Variants in PPP1R12A observed in about 807,000 individuals in gnomAD.
PPP1R12A encodes myosin binding subunit.
Under a neutral mutation model 139.6 loss-of-function variants are expected in PPP1R12A, and 19 were observed. That is an observed-to-expected ratio of 0.14 (90% CI 0.09 to 0.20). PPP1R12A has a LOEUF of 0.20. PPP1R12A is among the 10% of genes least tolerant of loss of function. PPP1R12A has a pLI of 1.00. For missense variants in PPP1R12A, 925 were observed against 1,211.5 expected (o/e 0.76, Z 3.51); for synonymous variants, 427 against 420.6 (o/e 1.02, Z -0.19).
intron 1 of PPP1R12A, among the ~76,000 whole-genome samples, chr12:79,886,850 A>G (rs1884151053): frequency 6.6e-6 from 1 of 152,190 alleles, no homozygotes. Context: ...CTCTTTATCT[A>G]TTCTTGTTAC....
intron 22 of PPP1R12A, among the ~76,000 whole-genome samples, chr12:79,785,566 T>C (rs1459125556): frequency 1.3e-5 from 2 of 152,200 alleles, no homozygotes. Flanking sequence ...TCAGCTGGAT[T>C]CTAAGAGTTG....
intron 2 of PPP1R12A, among the ~76,000 whole-genome samples, chr12:79,852,115 T>C (rs1193878174): frequency 6.6e-6 from 1 of 152,122 alleles, no homozygotes; most frequent in African/African-American, 2.4e-5. Flanking sequence ...ATCCTGGTGT[T>C]CATCTCTATT....
At chr12:79,893,100 G>C (rs1884812587) in intron 1 of PPP1R12A, among the ~76,000 whole-genome samples, 2 of 144,812 alleles carry the variant, frequency 1.4e-5, no homozygotes, top group South Asian at 4.3e-4. Flanking sequence ...GCAAGACTGT[G>C]TCTCAAAAAA....
intron 24 of PPP1R12A, among the ~76,000 whole-genome samples, chr12:79,778,061 A>G (rs1436118200): frequency 6.6e-6 from 1 of 152,154 alleles, no homozygotes; most frequent in Non-Finnish European, 1.5e-5. Context: ...CATTCAAAAC[A>G]TAATTATTTC....
intron 1 of PPP1R12A, among the ~76,000 whole-genome samples, chr12:79,933,890 T>A (rs915825594): frequency 7.9e-5 from 12 of 152,326 alleles, no homozygotes; most frequent in African/African-American, 2.6e-4. Context: ...GTAACCGGCT[T>A]TGAAAAGAGT....
At chr12:79,854,728 C>G (rs1880431290) in intron 2 of PPP1R12A, among the ~76,000 whole-genome samples, 2 of 151,890 alleles carry the variant, frequency 1.3e-5, no homozygotes, top group Non-Finnish European at 2.9e-5. Context: ...CTGAAGTGAA[C>G]AGGTGCAATC....
intron 1 of PPP1R12A, among the ~76,000 whole-genome samples, chr12:79,930,322 C>T (rs1888155582): frequency 6.6e-6 from 1 of 151,976 alleles, no homozygotes; most frequent in South Asian, 2.1e-4. Context: ...CAACCATAAG[C>T]TAAATGATAA....
chr12:79,844,675 C>G (rs1256235979), intron 3 of PPP1R12A, among the ~76,000 whole-genome samples: 1 of 152,142 alleles, frequency 6.6e-6, no homozygotes, highest in Non-Finnish European at 1.5e-5. Context: ...TCATGTCAAT[C>G]CTCTGCCTCA....
intron 16 of PPP1R12A, 43 bp downstream of exon 16, chr12:79,797,152 A>C: frequency 6.8e-7 from 1 of 1,477,746 alleles, no homozygotes; most frequent in Non-Finnish European, 9.2e-7. Context: ...CATAAGGACT[A>C]TTCATACCAT....
chr12:79,927,963 G>C (rs1366018849), intron 1 of PPP1R12A, among the ~76,000 whole-genome samples: 1 of 152,104 alleles, frequency 6.6e-6, no homozygotes, highest in Admixed American at 6.5e-5. Context: ...TGCAGGCAGA[G>C]GCAATGAAAA....
intron 2 of PPP1R12A, among the ~76,000 whole-genome samples, chr12:79,865,834 G>A (rs934717457): frequency 2.6e-5 from 4 of 152,076 alleles, no homozygotes; most frequent in Non-Finnish European, 5.9e-5. Context: ...CAAACAAATG[G>A]AAAAACATTC....
chr12:79,833,754 T>C (rs1027948775), intron 3 of PPP1R12A, among the ~76,000 whole-genome samples: 2 of 150,698 alleles, frequency 1.3e-5, no homozygotes, highest in Non-Finnish European at 2.9e-5. Flanking sequence ...GGAGAACTAC[T>C]TAAGTCCAGG....
chr12:79,931,874 A>G (rs1888280848), intron 1 of PPP1R12A, among the ~76,000 whole-genome samples: 1 of 152,204 alleles, frequency 6.6e-6, no homozygotes, highest in Non-Finnish European at 1.5e-5. Context: ...TCTTCTATAC[A>G]GAGGACACAT....
chr12:79,912,091 C>A (rs1407583502), intron 1 of PPP1R12A, among the ~76,000 whole-genome samples: 1 of 152,124 alleles, frequency 6.6e-6, no homozygotes, highest in African/African-American at 2.4e-5. Context: ...AAGGGCTTTG[C>A]TCTGACCAGA....
chr12:79,775,963 G>GC lies in PPP1R12A; in HGVS notation c.3058dup (p.Ala1020GlyfsTer58). Reference sequence around the variant, plus strand: ...AAGTTTGCTTATAACTCTGATCAAGGCCCCATTTTCATCCTTTAGCCTCTG... The same window carrying GC: ...AAGTTTGCTTATAACTCTGATCAAGGCCCCCATTTTCATCCTTTAGCCTCTG... On this transcript the variant is annotated frameshift_variant, in exon 25 of 25. Coordinates refer to ENST00000450142, the MANE Select transcript of PPP1R12A (RefSeq NM_002480.3). LOFTEE classifies it high-confidence loss of function. 6.3e-7 allele frequency: 1 copy of GC among 1,596,776 alleles called. No individual in the cohort carries two copies. The highest frequency in any genetic ancestry group is 1.7e-5 in the Admixed American group (1 of 58,062).
intron 2 of PPP1R12A, among the ~76,000 whole-genome samples, chr12:79,872,289 G>A (rs994570752): frequency 5.3e-5 from 8 of 152,012 alleles, no homozygotes; most frequent in African/African-American, 1.9e-4. Flanking sequence ...AAAATCAGAT[G>A]TTCTTAGTGT....
chr12:79,899,938 T>C (rs755355014), intron 1 of PPP1R12A, among the ~76,000 whole-genome samples: 11 of 152,190 alleles, frequency 7.2e-5, no homozygotes, highest in Non-Finnish European at 1.0e-4. Context: ...CTTTTTTGAA[T>C]ACAATAGGCA....
At chr12:79,867,700 G>C (rs531512492) in intron 2 of PPP1R12A, among the ~76,000 whole-genome samples, 1 of 152,246 alleles carries the variant, frequency 6.6e-6, no homozygotes, top group South Asian at 2.1e-4. Flanking sequence ...TTGAATTGTA[G>C]TTTCCATAAT....
At chr12:79,857,399 AG>A (rs535861112) in intron 2 of PPP1R12A, among the ~76,000 whole-genome samples, 374 of 140,794 alleles carry the variant, frequency 2.7e-3, no homozygotes, top group Admixed American at 6.1e-3. Context: ...ATATGGACAC[AG>A]GAAGGGGAAC....
Sources: gnomAD v4.1 joint callset for allele counts (sites outside exome capture counted in the v4.1 genomes callset) on GRCh38, gnomAD v4.1.1 for gene constraint, MANE v1.5 for transcripts, NCBI Gene and HGNC (gene_info 2026-07-23, HGNC 2026-07-21) for gene names.